Variants in ZFHX4 observed in about 807,000 individuals in gnomAD.
ZFHX4 encodes zinc finger homeobox 4.
A neutral mutation model predicts 267.6 loss-of-function variants in ZFHX4; 56 were observed. The observed-to-expected ratio is 0.21, with a 90% CI of 0.17 to 0.26. The LOEUF is 0.26. ZFHX4 is among the 10% of genes least tolerant of loss of function. The pLI is 1.00. For missense variants in ZFHX4, 4,332 were observed against 4,420.0 expected (o/e 0.98, Z 0.56); for synonymous variants, 1,778 against 1,665.6 (o/e 1.07, Z -1.64).
At chr8:76,795,377 G>T (rs2626353) in intron 4 of ZFHX4, among the ~76,000 whole-genome samples, 4 of 151,886 alleles carry the variant, frequency 2.6e-5, no homozygotes, top group African/African-American at 9.7e-5. Flanking sequence ...GGGCTCAAGT[G>T]ATCCTATTGC....
chr8:76,856,357 CA>C (rs752086540), intron 10 of ZFHX4, 57 bp downstream of exon 10: 8 of 1,584,454 alleles, frequency 5.0e-6, no homozygotes, highest in Non-Finnish European at 8.6e-7. Flanking sequence ...GGTAGACAGT[CA>C]CATGTAACCA....
At chr8:76,747,604 G>A (rs183297565) in intron 3 of ZFHX4, among the ~76,000 whole-genome samples, 43 of 152,210 alleles carry the variant, frequency 2.8e-4, no homozygotes, top group African/African-American at 9.9e-4. Flanking sequence ...AGTATTTAGC[G>A]TGGCACTTAA....
intron 4 of ZFHX4, among the ~76,000 whole-genome samples, chr8:76,780,848 T>C (rs1810527330): frequency 1.3e-5 from 2 of 152,152 alleles, no homozygotes; most frequent in Admixed American, 1.3e-4. Flanking sequence ...CTTTCCAATT[T>C]GAAGTGAGAC....
At chr8:76,835,227 A>ATACATATATATATGTATATATATG (rs1812045150) in intron 5 of ZFHX4, among the ~76,000 whole-genome samples, 2 of 59,086 alleles carry the variant, frequency 3.4e-5, no homozygotes, top group African/African-American at 9.3e-5. Context: ...ATGTATATAT[A>ATACATATATATATGTATATATATG]TATATATATA....
chr8:76,814,083 G>T (rs184211807), intron 4 of ZFHX4, among the ~76,000 whole-genome samples: 186 of 151,996 alleles, frequency 1.2e-3, no homozygotes, highest in Admixed American at 3.0e-3. Context: ...TTAAAAAAAA[G>T]ATTTTAGAGA....
intron 4 of ZFHX4, among the ~76,000 whole-genome samples, chr8:76,807,502 T>G (rs1811274594): frequency 6.6e-6 from 1 of 152,098 alleles, no homozygotes; most frequent in East Asian, 1.9e-4. Context: ...GATAGCTTCT[T>G]TCTCATACAG....
intron 3 of ZFHX4, among the ~76,000 whole-genome samples, chr8:76,757,317 G>C (rs1478200678): frequency 2.0e-5 from 3 of 152,168 alleles, no homozygotes; most frequent in Non-Finnish European, 2.9e-5. Flanking sequence ...AACAGAGTTA[G>C]TAAATGTGCA....
chr8:76,805,676 T>C (rs907743143), intron 4 of ZFHX4, among the ~76,000 whole-genome samples: 1 of 151,936 alleles, frequency 6.6e-6, no homozygotes, highest in Admixed American at 6.6e-5. Context: ...CTTAGATAGT[T>C]TGCACACATC....
chr8:76,703,727 G>C (rs908556131), intron 1 of ZFHX4: 13 of 218,484 alleles, frequency 6.0e-5, no homozygotes, highest in Non-Finnish European at 1.0e-4. Flanking sequence ...GAGTGGTCAC[G>C]TATATTGTGT....
chr8:76,807,598 C>A (rs1257014164), intron 4 of ZFHX4, among the ~76,000 whole-genome samples: 1 of 152,014 alleles, frequency 6.6e-6, no homozygotes, highest in East Asian at 1.9e-4. Flanking sequence ...CCATCTTAAA[C>A]CAAAAAGCCA....
At chr8:76,729,050 T>C (rs1182151528) in intron 3 of ZFHX4, among the ~76,000 whole-genome samples, 1 of 152,214 alleles carries the variant, frequency 6.6e-6, no homozygotes, top group African/African-American at 2.4e-5. Flanking sequence ...ACTTTCTTTC[T>C]GAAATTGCTC....
intron 4 of ZFHX4, among the ~76,000 whole-genome samples, chr8:76,823,049 A>G (rs1223535409): frequency 6.6e-6 from 1 of 151,680 alleles, no homozygotes; most frequent in Non-Finnish European, 1.5e-5. Flanking sequence ...TTTTCTCTCC[A>G]GTGAAATGAC....
chr8:76,772,597 C>T (rs28508352), intron 3 of ZFHX4, among the ~76,000 whole-genome samples: 4,815 of 152,230 alleles, frequency 0.032, 104 homozygotes, highest in Non-Finnish European at 0.046. Flanking sequence ...AAGGGCCATA[C>T]TACCAGACTA....
intron 10 of ZFHX4, among the ~76,000 whole-genome samples, chr8:76,857,770 A>G (rs1375510293): frequency 6.6e-6 from 1 of 152,022 alleles, no homozygotes; most frequent in Non-Finnish European, 1.5e-5. Flanking sequence ...TTAGAGCTAT[A>G]ATTAAGTGTT....
In ZFHX4 at chr8:76,866,540, G is replaced by C. The variant is rs2131991246; in HGVS notation, c.*1975G>C. 1 of 151,734 alleles carries C rather than the reference G, an allele frequency of 6.6e-6. No homozygotes were observed. Among genetic ancestry groups the C allele is most frequent in the African/African-American group, 2.4e-5 (1 of 41,222 alleles). The allele number at this position is 151,734 out of a possible 1,614,324, so 9.4% of individuals were successfully genotyped here. ...GATTGTGTTTCGTAAGAGACAACAT[G>C]GCCTCCTAAGGTGCAATCCTGCCGC... On this transcript the variant is annotated 3_prime_UTR_variant, in exon 11 of 11. Coordinates refer to ENST00000651372, the MANE Select transcript of ZFHX4 (RefSeq NM_024721.5).
chr8:76,856,061 A>C lies in ZFHX4; in HGVS notation c.9140A>C (p.Lys3047Thr). ...GTTGGCAGTCAGCTCGATCGGGAGA[A>C]AGATTACTTGGCTCCGACCACGGTT... ...ETVGSQLDRE[K>T]DYLAPTTVRQ... Residue 3047 changes from lysine to threonine, a missense_variant, in exon 10 of 11, where the codon AAA becomes ACA. Transcript: ENST00000651372. 1 of 1,613,994 alleles carries C rather than the reference A, an allele frequency of 6.2e-7. No homozygotes were observed. The highest frequency in any genetic ancestry group is 8.5e-7 in the Non-Finnish European group (1 of 1,179,884).
At chr8:76,862,759 T>G (rs1563569746) in intron 10 of ZFHX4, among the ~76,000 whole-genome samples, 2 of 152,148 alleles carry the variant, frequency 1.3e-5, no homozygotes, top group South Asian at 4.1e-4. Flanking sequence ...GCAAGGTGTA[T>G]CAATTGGAAG....
intron 4 of ZFHX4, among the ~76,000 whole-genome samples, chr8:76,779,967 A>T (rs1178069423): frequency 6.6e-6 from 1 of 152,142 alleles, no homozygotes; most frequent in Non-Finnish European, 1.5e-5. Context: ...TTGCTAAGGC[A>T]TATGATGTGA....
intron 4 of ZFHX4, among the ~76,000 whole-genome samples, chr8:76,793,691 A>G (rs1015096484): frequency 2.0e-5 from 3 of 152,224 alleles, no homozygotes; most frequent in Non-Finnish European, 2.9e-5. Context: ...AACAGGAATC[A>G]TGTAAAAAGA....
Sources: allele counts gnomAD v4.1 joint callset (sites outside exome capture counted in the v4.1 genomes callset), GRCh38; gene constraint gnomAD v4.1.1; transcripts MANE v1.5; gene names NCBI Gene and HGNC (gene_info 2026-07-23, HGNC 2026-07-21).